The following ZNF423 variants were observed in gnomAD, a reference collection of about 807,000 sequenced individuals.
ZNF423 encodes zinc finger protein 423, also known as Ebf-associated zinc finger protein.
ZNF423 carries 12 observed loss-of-function variants against 95.8 expected under a neutral mutation model. The observed-to-expected ratio is 0.13, with a 90% CI of 0.08 to 0.20. The LOEUF is 0.20. Ranked by LOEUF, ZNF423 falls within the 10% of genes least tolerant of loss-of-function variation. The pLI is 1.00. For synonymous variants in ZNF423, 749 were observed against 711.9 expected (o/e 1.05, Z -0.83); for missense variants, 1,316 against 1,737.1 (o/e 0.76, Z 4.31).
chr16:49,635,690 C>T lies in ZNF423; in HGVS notation c.3486G>A (p.Arg1162=), dbSNP rs760891004. Residue 1162 remains arginine, a synonymous_variant, in exon 4 of 8, where the codon CGG becomes CGA. Coordinates refer to ENST00000563137, the MANE Select transcript of ZNF423 (RefSeq NM_001379286.1). The surrounding 1 kb of genome is among the most constrained non-coding windows in gnomAD (Gnocchi z 4.8). Reference sequence around the variant, plus strand: ...GCACTGGCGATGTCTGGGTGCCTTTCCGGGGCCCACTGGTCTCCGGCGTGA... The same window carrying T: ...GCACTGGCGATGTCTGGGTGCCTTTTCGGGGCCCACTGGTCTCCGGCGTGA... ...RDLTPETSGP[R]KGTQTSPVPR... is the part of the protein sequence containing the mutation. 1.3e-6 allele frequency: 2 copies of T among 1,590,682 alleles called. No individual in the cohort carries two copies. Among genetic ancestry groups the T allele is most frequent in the Non-Finnish European group, 1.7e-6 (2 of 1,170,464 alleles).
intron 2 of ZNF423, among the ~76,000 whole-genome samples, chr16:49,735,967 G>A (rs778236478): frequency 6.6e-6 from 1 of 152,164 alleles, no homozygotes; most frequent in Non-Finnish European, 1.5e-5. Context: ...GGTTTGTTAC[G>A]TAGCAATGGA....
At chr16:49,858,466 C>A (rs973767673), upstream of ZNF423, among the ~76,000 whole-genome samples, 1 of 151,038 alleles carries the variant, frequency 6.6e-6, no homozygotes, top group Non-Finnish European at 1.5e-5. This position sits in a 1 kb window ranked among gnomAD's most constrained non-coding sequence, Gnocchi z 4.3. Flanking sequence ...GGCGCGCGCG[C>A]CCTAGGCAGT....
At chr16:49,592,371 A>C (rs1971036927) in intron 5 of ZNF423, among the ~76,000 whole-genome samples, 1 of 152,256 alleles carries the variant, frequency 6.6e-6, no homozygotes, top group African/African-American at 2.4e-5. Context: ...GGGGCAGTTC[A>C]GCTGAAATTA....
chr16:49,602,054 T>C (rs967059725), intron 5 of ZNF423, among the ~76,000 whole-genome samples: 3 of 152,234 alleles, frequency 2.0e-5, no homozygotes, highest in Admixed American at 2.0e-4. Flanking sequence ...CAATTATTGT[T>C]TGGGTGTCAT....
chr16:49,776,726 G>T (rs1440265849), intron 2 of ZNF423, among the ~76,000 whole-genome samples: 1 of 152,232 alleles, frequency 6.6e-6, no homozygotes, highest in Admixed American at 6.5e-5. Context: ...CTGGGGTCTA[G>T]GTCCACACCA....
intron 3 of ZNF423, among the ~76,000 whole-genome samples, chr16:49,670,316 A>C (rs1247594336): frequency 6.6e-6 from 1 of 152,258 alleles, no homozygotes; most frequent in East Asian, 1.9e-4. Flanking sequence ...GCGAGAGTTC[A>C]GTGCAGATGC....
intron 3 of ZNF423, among the ~76,000 whole-genome samples, chr16:49,662,151 C>T (rs966369022): frequency 2.6e-5 from 4 of 152,198 alleles, no homozygotes; most frequent in Admixed American, 6.5e-5. Flanking sequence ...CAATTTACCA[C>T]CTCCTTATGT....
intron 1 of ZNF423, among the ~76,000 whole-genome samples, chr16:49,798,905 T>C (rs2034539898): frequency 6.6e-6 from 1 of 152,132 alleles, no homozygotes; most frequent in African/African-American, 2.4e-5. Flanking sequence ...ATATATAAAA[T>C]AGAACAGAAA....
chr16:49,775,716 A>C (rs1014480788), intron 2 of ZNF423, among the ~76,000 whole-genome samples: 3 of 152,160 alleles, frequency 2.0e-5, no homozygotes, highest in Non-Finnish European at 4.4e-5. Flanking sequence ...CTCACTCTAG[A>C]ATGTGAGTCC....
chr16:49,639,089 G>A (rs1464271136), intron 3 of ZNF423, among the ~76,000 whole-genome samples: 1 of 152,226 alleles, frequency 6.6e-6, no homozygotes, highest in Admixed American at 6.5e-5. Context: ...TAATGAAGGG[G>A]GAGCGCCTTT....
chr16:49,611,542 GA>G (rs1167240629), intron 5 of ZNF423, among the ~76,000 whole-genome samples: 3 of 151,810 alleles, frequency 2.0e-5, no homozygotes, highest in Non-Finnish European at 4.4e-5. Flanking sequence ...TTAATAAAGA[GA>G]AAAAGTCTCA....
intron 5 of ZNF423, among the ~76,000 whole-genome samples, chr16:49,562,617 C>T (rs1970054793): frequency 6.6e-6 from 1 of 152,194 alleles, no homozygotes; most frequent in South Asian, 2.1e-4. Flanking sequence ...TCATGGGAGG[C>T]ATTCAAGGAA....
At chr16:49,823,708 G>A (rs529516660) in intron 1 of ZNF423, among the ~76,000 whole-genome samples, 10 of 152,254 alleles carry the variant, frequency 6.6e-5, no homozygotes, top group South Asian at 2.1e-4. Flanking sequence ...GGTAATCTGC[G>A]AAGTTACCGT....
intron 1 of ZNF423, among the ~76,000 whole-genome samples, chr16:49,821,582 CT>C (rs2144024201): frequency 6.6e-6 from 1 of 152,300 alleles, no homozygotes; most frequent in East Asian, 1.9e-4. Flanking sequence ...GGGTCTCACT[CT>C]AAGGCCTTCA....
intron 1 of ZNF423, 129 bp from the exon 2 acceptor site, chr16:49,789,675 G>A: frequency 1.2e-6 from 1 of 809,452 alleles, no homozygotes; most frequent in Non-Finnish European, 1.8e-6. Context: ...AGGGGAGAGG[G>A]GGCAAAGCCT....
chr16:49,770,278 AAG>A (rs2034009491), intron 2 of ZNF423, among the ~76,000 whole-genome samples: 1 of 152,180 alleles, frequency 6.6e-6, no homozygotes, highest in Non-Finnish European at 1.5e-5. Context: ...CAGCCCTTCA[AAG>A]AGAGGTCTTG....
intron 5 of ZNF423, among the ~76,000 whole-genome samples, chr16:49,596,264 G>A (rs1971175983): frequency 6.6e-6 from 1 of 152,180 alleles, no homozygotes; most frequent in Non-Finnish European, 1.5e-5. Flanking sequence ...TGTCAAAGGA[G>A]CACGGGCTTT....
chr16:49,767,207 C>T (rs1027348468), intron 2 of ZNF423, among the ~76,000 whole-genome samples: 66 of 152,138 alleles, frequency 4.3e-4, no homozygotes, highest in African/African-American at 1.4e-3. Flanking sequence ...CCTCCTGCAT[C>T]GGCCTCCCAA....
chr16:49,536,723 T>C (rs1216630441), intron 5 of ZNF423, among the ~76,000 whole-genome samples: 16 of 152,244 alleles, frequency 1.1e-4, no homozygotes, highest in Admixed American at 1.0e-3. Flanking sequence ...AGCCTGTGGC[T>C]ATTTAAATTT....
Sources: allele counts gnomAD v4.1 joint callset (sites outside exome capture counted in the v4.1 genomes callset), GRCh38; gene constraint gnomAD v4.1.1; non-coding constraint Gnocchi (gnomAD v3.1); transcripts MANE v1.5; gene names NCBI Gene and HGNC (gene_info 2026-07-23, HGNC 2026-07-21).